BAZ2B: variants seen among roughly 807,000 people sequenced by gnomAD.
The protein encoded by BAZ2B is bromodomain adjacent to zinc finger domain protein 2B.
BAZ2B carries 91 observed loss-of-function variants against 246.0 expected under a neutral mutation model. The observed-to-expected ratio is 0.37, with a 90% CI of 0.31 to 0.44. BAZ2B has a LOEUF of 0.44. BAZ2B is among the 20% of genes least tolerant of loss of function. The pLI is 1.00. For synonymous variants in BAZ2B, 855 were observed against 860.0 expected, an observed-to-expected ratio of 0.99 and a Z score of 0.10; for missense variants, 2,332 against 2,533.7, an observed-to-expected ratio of 0.92 and a Z score of 1.71.
At chr2:159,360,823 CAAACCTGAG>C (rs1416236486) in intron 27 of BAZ2B, among the ~76,000 whole-genome samples, 2 of 152,134 alleles carry the variant, frequency 1.3e-5, no homozygotes, top group Admixed American at 1.3e-4. Flanking sequence ...TGATCTTTGA[CAAACCTGAG>C]AAAAACAAGC....
chr2:159,645,694 G>A, the BAZ2B span, among the ~76,000 whole-genome samples: 1 of 151,916 alleles, frequency 6.6e-6, no homozygotes, highest in Admixed American at 6.6e-5. Flanking sequence ...CTAAGCATCA[G>A]CCAGGTTGAA....
At chr2:159,427,875 T>C in intron 13 of BAZ2B, 66 bp downstream of exon 13, 1 of 1,283,614 alleles carries the variant, frequency 7.8e-7, no homozygotes, top group Non-Finnish European at 1.1e-6. Flanking sequence ...TGTAGTGAAA[T>C]TTACTTCATT....
At chr2:159,525,871 T>G (rs17423809) in intron 2 of BAZ2B, among the ~76,000 whole-genome samples, 1 of 151,978 alleles carries the variant, frequency 6.6e-6, no homozygotes. Context: ...CCACACTAAG[T>G]GTTTGATTTT....
chr2:159,494,661 G>A (rs908713899), intron 2 of BAZ2B, among the ~76,000 whole-genome samples: 1 of 152,138 alleles, frequency 6.6e-6, no homozygotes, highest in Middle Eastern at 3.2e-3. Context: ...TGGGCACCTG[G>A]AATGCCACCT....
At chr2:159,439,356 A>G in intron 6 of BAZ2B, 144 bp from the exon 7 acceptor site, 1 of 731,008 alleles carries the variant, frequency 1.4e-6, no homozygotes, top group Non-Finnish European at 2.2e-6. Context: ...CGTAAGGATA[A>G]TTATTTAACA....
intron 2 of BAZ2B, among the ~76,000 whole-genome samples, chr2:159,555,185 G>A (rs950272226): frequency 6.6e-6 from 1 of 151,090 alleles, no homozygotes; most frequent in Non-Finnish European, 1.5e-5. Flanking sequence ...TCCACCTCCC[G>A]GGTTCAAGTG....
chr2:159,517,179 A>G (rs887552790), intron 2 of BAZ2B, among the ~76,000 whole-genome samples: 6 of 152,130 alleles, frequency 3.9e-5, no homozygotes, highest in Admixed American at 3.9e-4. Flanking sequence ...AGTTTACATA[A>G]TTTGAAACTT....
At chr2:159,645,043 G>A in the BAZ2B span, among the ~76,000 whole-genome samples, 1 of 152,134 alleles carries the variant, frequency 6.6e-6, no homozygotes, top group Non-Finnish European at 1.5e-5. Context: ...GAGAGCCCAA[G>A]GCAGGTGGAT....
rs34745357 is a variant in BAZ2B at position 159,349,268 on chromosome 2, C to G, written c.4876G>C (p.Val1626Leu). The G allele has an allele frequency of 9.0e-4, 1,435 of 1,600,676 alleles. 26 individuals are homozygous for G. Among genetic ancestry groups the G allele is most frequent in the Middle Eastern group, 1.5e-3 (9 of 6,030 alleles). ...CAAAACTGAAGTCCCATCATAGATA[C>G]TCCACCTTTCACCTGCAAAAAGAAA... Reference protein sequence around the residue: ...ALSPLQVKGGVSMMGLQFCGW... With the variant: ...ALSPLQVKGGLSMMGLQFCGW... The change falls in exon 29 of 37, where the codon GTA (valine) becomes CTA (leucine). Residue 1626 changes from valine (V) to leucine (L), a missense_variant. By Grantham distance (32) the Val-to-Leu change is conservative (BLOSUM62 1). Around this residue, in one of 9 missense-constraint regions of BAZ2B, gnomAD observed 676 missense variants for 668.6 expected, o/e 1.01. Transcript: ENST00000392783.
At chr2:159,668,415 T>C in the BAZ2B span, among the ~76,000 whole-genome samples, 1 of 152,218 alleles carries the variant, frequency 6.6e-6, no homozygotes, top group Non-Finnish European at 1.5e-5. Context: ...ATATATTCCA[T>C]CTTTCACTGC....
chr2:159,476,022 G>A (rs1248032168), intron 3 of BAZ2B, among the ~76,000 whole-genome samples: 2 of 152,140 alleles, frequency 1.3e-5, no homozygotes, highest in Non-Finnish European at 2.9e-5. Flanking sequence ...CGGGGGTCAG[G>A]GACCCACTTG....
intron 1 of BAZ2B, among the ~76,000 whole-genome samples, chr2:159,606,630 A>G (rs1350977111): frequency 1.3e-5 from 2 of 152,180 alleles, no homozygotes; most frequent in Non-Finnish European, 2.9e-5. Flanking sequence ...ATTTACCTCA[A>G]AACTTATCCT....
At chr2:159,570,297 G>A (rs1425448076) in intron 1 of BAZ2B, among the ~76,000 whole-genome samples, 1 of 150,860 alleles carries the variant, frequency 6.6e-6, no homozygotes, top group Non-Finnish European at 1.5e-5. Context: ...AGATTCTCTT[G>A]CCTCAGCCTC....
chr2:159,354,083 C>G (rs2058833957), intron 27 of BAZ2B, among the ~76,000 whole-genome samples: 1 of 152,026 alleles, frequency 6.6e-6, no homozygotes, highest in Non-Finnish European at 1.5e-5. Flanking sequence ...CCTCATATAC[C>G]TGTGTGTTCC....
chr2:159,590,550 C>A (rs1030185719), intron 1 of BAZ2B, among the ~76,000 whole-genome samples: 1 of 151,892 alleles, frequency 6.6e-6, no homozygotes, highest in Admixed American at 6.6e-5. Context: ...CAAGATCGTG[C>A]CACTTCACTC....
chr2:159,530,709 A>G (rs1436977253), intron 2 of BAZ2B, among the ~76,000 whole-genome samples: 2 of 152,272 alleles, frequency 1.3e-5, no homozygotes, highest in East Asian at 3.9e-4. Context: ...AGTGGCTCAC[A>G]CCTTAATCCT....
At chr2:159,391,038 T>C (rs1263698015) in intron 20 of BAZ2B, among the ~76,000 whole-genome samples, 2 of 152,172 alleles carry the variant, frequency 1.3e-5, no homozygotes, top group Non-Finnish European at 2.9e-5. Context: ...GAGTCACCGG[T>C]AGAATAACTT....
Position 159,337,679 on chromosome 2 carries a change from C to T in BAZ2B, c.5548G>A (p.Glu1850Lys), listed in dbSNP as rs1225634143. 8 of 1,614,094 alleles carry T rather than the reference C, an allele frequency of 5.0e-6. No individual in the cohort carries two copies. Among genetic ancestry groups the T allele is most frequent in the Non-Finnish European group, 6.8e-6 (8 of 1,180,040 alleles). Reference protein sequence around the residue: ...FTKLCKEHDGEFTGEDESSAH... With the variant: ...FTKLCKEHDGKFTGEDESSAH... ...CTGCTTTCGTCTTCGCCAGTAAATT[C>T]TCCATCATGCTCCTTGCACAATTTA... The change falls in exon 32 of 37, where the codon GAA becomes AAA. Residue 1850 changes from glutamate (E) to lysine (K), a missense_variant. By Grantham distance (56) the Glu-to-Lys change is moderately conservative. This residue lies in a region of BAZ2B where 676 missense variants were observed against 668.6 expected (regional missense o/e 1.01). Transcript: ENST00000392783.
chr2:159,392,712 C>T (rs538616829), intron 20 of BAZ2B, among the ~76,000 whole-genome samples: 13 of 152,226 alleles, frequency 8.5e-5, no homozygotes, highest in African/African-American at 2.2e-4. Flanking sequence ...TAGATACATG[C>T]GGTATGCCAT....
Sources: allele counts gnomAD v4.1 joint callset (sites outside exome capture counted in the v4.1 genomes callset), GRCh38; gene constraint gnomAD v4.1.1; regional missense constraint gnomAD v4.1.1; transcripts MANE v1.5; gene names NCBI Gene and HGNC (gene_info 2026-07-23, HGNC 2026-07-21).